The following ELAPOR1 variants were observed in gnomAD, a reference collection of about 807,000 sequenced individuals.
The protein encoded by ELAPOR1 is endosome/lysosome-associated apoptosis and autophagy regulator 1.
Under a neutral mutation model 119.7 loss-of-function variants are expected in ELAPOR1, and 77 were observed. The ratio of observed to expected loss-of-function variants is 0.64; its 90% CI spans 0.54 to 0.78. The LOEUF (loss-of-function observed/expected upper bound fraction) is 0.78. Ranked by LOEUF, ELAPOR1 falls within the 30% of genes least tolerant of loss-of-function variation. ELAPOR1 has a pLI of 0.00. For missense variants in ELAPOR1, 1,115 were observed against 1,270.4 expected (o/e 0.88, Z 1.86); for synonymous variants, 481 against 487.2 (o/e 0.99, Z 0.17).
chr1:109,136,687 A>G (rs545821789), intron 1 of ELAPOR1, among the ~76,000 whole-genome samples: 1 of 152,216 alleles, frequency 6.6e-6, no homozygotes. Context: ...AATTGTAGGT[A>G]TAATTACTGC....
chr1:109,172,972 T>A (rs1652010783), intron 5 of ELAPOR1, among the ~76,000 whole-genome samples: 1 of 151,772 alleles, frequency 6.6e-6, no homozygotes, highest in African/African-American at 2.4e-5. Context: ...TGGCCCATGC[T>A]TGTAATCCCA....
chr1:109,162,819 CAAAT>C (rs1651343861), intron 2 of ELAPOR1, among the ~76,000 whole-genome samples: 1 of 152,224 alleles, frequency 6.6e-6, no homozygotes, highest in African/African-American at 2.4e-5. Flanking sequence ...CTAGTGGAAA[CAAAT>C]GAGCCATCTT....
rs149402091 is a variant in ELAPOR1 at position 109,121,023 on chromosome 1, G to A, written c.153+6687G>A. Among the ~76,000 whole-genome samples the A allele has an allele frequency of 1.4e-4, 22 of 152,296 alleles. No individual in the cohort carries two copies. The East Asian group carries it at 3.3e-3, about 23-fold the overall frequency. On this transcript the variant is annotated intron_variant, in intron 1 of 21. Transcript: ENST00000369939. Reference sequence around the variant, plus strand: ...TGAGAGGAGTCTTAGCTATTGTAACGTCTTTCAGGGAAGTGCCCTGTGGGC... The same window carrying A: ...TGAGAGGAGTCTTAGCTATTGTAACATCTTTCAGGGAAGTGCCCTGTGGGC...
chr1:109,137,243 G>A (rs1372538937), intron 1 of ELAPOR1, among the ~76,000 whole-genome samples: 1 of 152,116 alleles, frequency 6.6e-6, no homozygotes, highest in African/African-American at 2.4e-5. Context: ...TCACTCTGTT[G>A]CCCAGGCTGG....
intron 14 of ELAPOR1, among the ~76,000 whole-genome samples, chr1:109,193,878 C>T (rs75260114): frequency 7.0e-4 from 106 of 152,294 alleles, no homozygotes; most frequent in African/African-American, 2.4e-3. Context: ...CAGTTGTGTG[C>T]GGCTACCGCT....
At position 109,189,882 on chromosome 1, in the gene ELAPOR1, C is replaced by G. The variant is rs1443622771; in HGVS notation, c.1439+200C>G. Among the ~76,000 whole-genome samples the G allele has an allele frequency of 2.0e-5, 3 of 152,126 alleles. No individual in the cohort carries two copies. The East Asian group carries it at 5.8e-4, about 29-fold the overall frequency. On this transcript the variant is annotated intron_variant, in intron 11 of 21. Transcript: ENST00000369939. Reference sequence around the variant, plus strand: ...TCAAGTTGCTGCCCATGTTGATTTACCGACTGCTCTCTCTCCCGTATAGCT... The same window carrying G: ...TCAAGTTGCTGCCCATGTTGATTTAGCGACTGCTCTCTCTCCCGTATAGCT...
intron 1 of ELAPOR1, among the ~76,000 whole-genome samples, chr1:109,158,827 C>T (rs190495989): frequency 6.6e-6 from 1 of 151,260 alleles, no homozygotes; most frequent in Admixed American, 6.6e-5. Context: ...GTTTGCAGAA[C>T]GCTGAATATA....
chr1:109,133,086 C>T (rs571182926), intron 1 of ELAPOR1, among the ~76,000 whole-genome samples: 10 of 151,896 alleles, frequency 6.6e-5, no homozygotes, highest in Admixed American at 1.3e-4. Context: ...AAAAATTAAC[C>T]AGGCATGGTG....
In ELAPOR1 at chr1:109,161,877, T is replaced by C; in HGVS notation, c.154-17T>C. On this transcript the variant is annotated splice_polypyrimidine_tract_variant and intron_variant, in intron 1 of 21. Transcript: ENST00000369939. ...CACTGCTAATGCACATTTCGCCCAC[T>C]GTTCTCTCCCCTGCAGTCTGAGTAC... 6.3e-7 allele frequency: 1 copy of C among 1,599,612 alleles called. No individual in the cohort carries two copies. The highest frequency in any genetic ancestry group is 1.1e-5 in the South Asian group (1 of 90,736).
At chr1:109,125,818 T>G (rs1207733809) in intron 1 of ELAPOR1, among the ~76,000 whole-genome samples, 1 of 152,214 alleles carries the variant, frequency 6.6e-6, no homozygotes, top group Non-Finnish European at 1.5e-5. Context: ...ATGACACTAA[T>G]GAGCAATGGA....
intron 1 of ELAPOR1, among the ~76,000 whole-genome samples, chr1:109,134,846 T>A (rs1649369178): frequency 6.6e-6 from 1 of 152,120 alleles, no homozygotes; most frequent in South Asian, 2.1e-4. Context: ...ATAGGAGGTC[T>A]CATCATTTCC....
chr1:109,200,261 T>C, intron 20 of ELAPOR1, 24 bp downstream of exon 20: 1 of 1,608,676 alleles, frequency 6.2e-7, no homozygotes, highest in Non-Finnish European at 8.5e-7. Flanking sequence ...TATTGGAGTG[T>C]GGGGATGGAC....
At chr1:109,177,158 C>A (rs1244600107) in intron 7 of ELAPOR1, among the ~76,000 whole-genome samples, 162 of 150,372 alleles carry the variant, frequency 1.1e-3, no homozygotes, top group African/African-American at 3.8e-3. Context: ...GGCAGAGGGG[C>A]TCCTCACTTC....
At chr1:109,155,039 T>C (rs1650786809) in intron 1 of ELAPOR1, among the ~76,000 whole-genome samples, 1 of 152,148 alleles carries the variant, frequency 6.6e-6, no homozygotes, top group African/African-American at 2.4e-5. Flanking sequence ...CGTCCCATCC[T>C]TGCTAGCACA....
rs1413367868 is a variant in ELAPOR1 at position 109,172,063 on chromosome 1, G to T, written c.615+50G>T. On this transcript the variant is annotated intron_variant, in intron 4 of 21. Coordinates refer to ENST00000369939, the MANE Select transcript of ELAPOR1 (RefSeq NM_020775.5). ...GTGGGAGCTAAAAAGCCTCTCTGGG[G>T]TTCAGATCCGTTTGAGGAATCCATC... 4.4e-6 allele frequency: 7 copies of T among 1,596,038 alleles called. No homozygotes were observed. In the South Asian group the frequency reaches 7.7e-5, roughly 18 times the overall value.
At chr1:109,116,857 A>G (rs1037542510) in intron 1 of ELAPOR1, among the ~76,000 whole-genome samples, 5 of 151,940 alleles carry the variant, frequency 3.3e-5, no homozygotes, top group African/African-American at 1.2e-4. Context: ...CACCCGGCTA[A>G]TTTTTGTATT....
intron 7 of ELAPOR1, among the ~76,000 whole-genome samples, 171 bp downstream of exon 7, chr1:109,174,008 C>T (rs865928692): frequency 9.0e-6 from 1 of 110,946 alleles, no homozygotes; most frequent in African/African-American, 3.6e-5. Context: ...CCATTAATCA[C>T]TTTGTCATTT....
At chr1:109,119,284 C>T (rs552903273) in intron 1 of ELAPOR1, among the ~76,000 whole-genome samples, 47 of 151,702 alleles carry the variant, frequency 3.1e-4, no homozygotes, top group African/African-American at 1.1e-3. Context: ...GCAACCTCCC[C>T]CTCCCAGGCT....
chr1:109,202,534 G>A (rs548071134), intron 21 of ELAPOR1, among the ~76,000 whole-genome samples: 67 of 151,862 alleles, frequency 4.4e-4, no homozygotes, highest in Non-Finnish European at 8.2e-4. Context: ...CTCTGTTCCC[G>A]GGTTCAAGCG....
Sources: allele counts gnomAD v4.1 joint callset (sites outside exome capture counted in the v4.1 genomes callset), GRCh38; gene constraint gnomAD v4.1.1; transcripts MANE v1.5; gene names NCBI Gene and HGNC (gene_info 2026-07-23, HGNC 2026-07-21).